The following CCDC183 variants were observed in gnomAD, a reference collection of about 807,000 sequenced individuals.
The protein encoded by CCDC183 is coiled-coil domain containing 183, also known as coiled-coil domain-containing protein 183.
In CCDC183, 63 loss-of-function variants were observed where a neutral mutation model predicts 65.2. The ratio of observed to expected loss-of-function variants is 0.97; its 90% CI spans 0.79 to 1.19. The LOEUF (loss-of-function observed/expected upper bound fraction) is 1.19, where lower values mean the gene tolerates loss of function less well. CCDC183 is among the 50% of genes most tolerant of loss of function. The pLI is 0.00. For synonymous variants in CCDC183, 323 were observed against 276.5 expected, an observed-to-expected ratio of 1.17 and a Z score of -1.67; for missense variants, 769 against 689.3, an observed-to-expected ratio of 1.12 and a Z score of -1.30.
chr9:136,799,738 C>T lies in CCDC183; in HGVS notation c.218C>T (p.Ala73Val). 2 of 1,613,202 alleles carry T rather than the reference C, an allele frequency of 1.2e-6. No homozygotes were observed. The highest frequency in any genetic ancestry group is 1.1e-5 in the South Asian group (1 of 91,066). The change falls in exon 3 of 14, where the codon GCC (alanine) becomes GTC (valine). Residue 73 changes from alanine (A) to valine (V), a missense_variant. By Grantham distance (64) the Ala-to-Val change is moderately conservative. Coordinates refer to ENST00000338005, the MANE Select transcript of CCDC183 (RefSeq NM_001039374.5). ...TATGACCAGTGGACCATCTCCAAGG[C>T]CTGCGGGAAAAACTTGCCTTTGCGA... is the stretch of plus-strand genomic sequence containing the variant. ...KKYDQWTISK[A>V]CGKNLPLRLA... is the part of the protein sequence containing the mutation.
chr9:136,799,564 G>A, intron 2 of CCDC183, 149 bp from the exon 3 acceptor site: 1 of 742,632 alleles, frequency 1.3e-6, no homozygotes, highest in Non-Finnish European at 2.2e-6. Flanking sequence ...CCAGGATGGG[G>A]TCCCGCGGCT....
chr9:136,800,069 TG>T lies in CCDC183; in HGVS notation c.340del (p.Val114CysfsTer46). ...RVNMHNLLIHLVRRRGQKLES... is the reference protein window; with the variant it reads ...RVNMHNLLIHXVRRRGQKLES... ...AACATGCACAACCTACTGATCCACC[TG>T]GTGCGGCGGCGCGGGCAGAAGCTGG... On this transcript the variant is annotated frameshift_variant, in exon 4 of 14. Coordinates refer to ENST00000338005, the MANE Select transcript of CCDC183 (RefSeq NM_001039374.5). LOFTEE classifies it high-confidence loss of function. 1 of 1,579,312 alleles carries T rather than the reference TG, an allele frequency of 6.3e-7. No individual in the cohort carries two copies. Among genetic ancestry groups the T allele is most frequent in the Admixed American group, 1.8e-5 (1 of 54,530 alleles).
rs760801368 is a variant in CCDC183 at position 136,807,009 on chromosome 9, C to G, written c.1429C>G (p.Leu477Val). 3 of 1,613,678 alleles carry G rather than the reference C, an allele frequency of 1.9e-6. No homozygotes were observed. Among genetic ancestry groups the G allele is most frequent in the Non-Finnish European group, 1.7e-6 (2 of 1,180,028 alleles). Residue 477 changes from leucine (L) to valine (V), a missense_variant, in exon 13 of 14, where the codon CTG (leucine) becomes GTG (valine). Coordinates refer to ENST00000338005, the MANE Select transcript of CCDC183 (RefSeq NM_001039374.5). Reference sequence around the variant, plus strand: ...GAGGGACACCCTGGAGTCCTCGACTCTGATGGAGAAGTACAACACCAGGAT... The same window carrying G: ...GAGGGACACCCTGGAGTCCTCGACTGTGATGGAGAAGTACAACACCAGGAT... ...KVRDTLESST[L>V]MEKYNTRISF...
intron 1 of CCDC183, among the ~76,000 whole-genome samples, chr9:136,797,438 C>CTTT (rs373062914): frequency 3.5e-5 from 5 of 142,176 alleles, no homozygotes; most frequent in African/African-American, 7.8e-5. Flanking sequence ...TACTTTGTGT[C>CTTT]TTTTTTTTTT....
chr9:136,798,257 C>T (rs1184434276), intron 1 of CCDC183, among the ~76,000 whole-genome samples: 3 of 151,782 alleles, frequency 2.0e-5, no homozygotes, highest in Non-Finnish European at 4.4e-5. Flanking sequence ...CCATCCGCCT[C>T]GGCCTCCCAA....
intron 1 of CCDC183, 75 bp downstream of exon 1, chr9:136,796,542 AAGAG>A: frequency 1.0e-5 from 10 of 985,310 alleles, no homozygotes; most frequent in Non-Finnish European, 1.6e-5. Context: ...TTGTGGGGAA[AAGAG>A]AGATCAGATT....
At position 136,806,498 on chromosome 9, in the gene CCDC183, C is replaced by T. The variant is rs372338718; in HGVS notation, c.1110-6C>T. On this transcript the variant is annotated splice_polypyrimidine_tract_variant and splice_region_variant and intron_variant, in intron 10 of 13. Coordinates refer to ENST00000338005, the MANE Select transcript of CCDC183 (RefSeq NM_001039374.5). ...CTCACTGCTGTGTCCCTATTGCCTT[C>T]TGCAGCTTCAAGTCCGTTGAGAAGA... 2.6e-5 allele frequency: 42 copies of T among 1,613,192 alleles called. No homozygotes were observed. In the African/African-American group the frequency reaches 4.3e-4, roughly 16 times the overall value.
At chr9:136,806,038 C>T in intron 9 of CCDC183, 40 bp from the exon 10 acceptor site, 1 of 1,530,128 alleles carries the variant, frequency 6.5e-7, no homozygotes, top group Admixed American at 2.0e-5. Flanking sequence ...TGCCCACCAT[C>T]CTGGCCCACA....
intron 5 of CCDC183, 92 bp downstream of exon 5, chr9:136,800,585 A>G (rs1237205514): frequency 1.5e-5 from 14 of 909,764 alleles, no homozygotes; most frequent in Non-Finnish European, 1.9e-5. Flanking sequence ...CGCACCCGCC[A>G]GGGAGAGGGA....
At position 136,804,904 on chromosome 9, in the gene CCDC183, G is replaced by A; in HGVS notation, c.847+88G>A. On this transcript the variant is annotated intron_variant, in intron 8 of 13. Transcript: ENST00000338005. This position sits in a 1 kb window ranked among gnomAD's most constrained non-coding sequence, Gnocchi z 4.1. ...AGGCCAACGGATCAAGTCACCCTGA[G>A]GCCAGGTGTGACATGTGGTCGCCAG... The A allele has an allele frequency of 2.6e-6, 3 of 1,176,438 alleles. No homozygotes were observed. The highest frequency in any genetic ancestry group is 2.5e-6 in the Non-Finnish European group (2 of 797,576). 72.9% of individuals were successfully genotyped at this position (1,176,438 alleles called of 1,614,324 possible).
intron 5 of CCDC183, among the ~76,000 whole-genome samples, chr9:136,801,687 T>C (rs1296702984): frequency 6.6e-6 from 1 of 152,086 alleles, no homozygotes; most frequent in African/African-American, 2.4e-5. Context: ...GCCTGGGTGA[T>C]AGAGTGAGAT....
chr9:136,797,618 T>C (rs776768551), intron 1 of CCDC183, among the ~76,000 whole-genome samples: 4 of 151,984 alleles, frequency 2.6e-5, no homozygotes, highest in Non-Finnish European at 5.9e-5. Context: ...TTTTGTATTT[T>C]TAGTAGAGAT....
intron 1 of CCDC183, among the ~76,000 whole-genome samples, chr9:136,798,162 C>G (rs889807776): frequency 2.0e-5 from 3 of 152,098 alleles, no homozygotes; most frequent in Non-Finnish European, 4.4e-5. Flanking sequence ...CCCACCACCA[C>G]GCCCAGCTAA....
rs200507112 is a variant in CCDC183 at position 136,804,586 on chromosome 9, G to A, written c.751G>A (p.Asp251Asn). The change falls in exon 7 of 14, where the codon GAC becomes AAC. Residue 251 changes from aspartate (D) to asparagine (N), a missense_variant. Physicochemically the swap from Asp to Asn is conservative, Grantham distance 23. Transcript: ENST00000338005. The surrounding 1 kb of genome is among the most constrained non-coding windows in gnomAD (Gnocchi z 4.1). ...NRLNQQKKLI[D>N]KIHTKETSEK... ...GCTCAACCAGCAGAAGAAGCTGATC[G>A]ACAAGATCCACACGAAGGAGACCAG... 2.8e-5 allele frequency: 45 copies of A among 1,613,130 alleles called. No homozygotes were observed. The highest frequency in any genetic ancestry group is 1.1e-4 in the African/African-American group (8 of 74,808).
intron 2 of CCDC183, 46 bp from the exon 3 acceptor site, chr9:136,799,667 G>C (rs752231570): frequency 1.3e-6 from 2 of 1,550,300 alleles, no homozygotes; most frequent in Admixed American, 1.7e-5. Context: ...CAGCGGCTGC[G>C]GGTGCGCAAA....
chr9:136,800,940 C>A (rs1462062472), intron 5 of CCDC183, among the ~76,000 whole-genome samples: 5 of 152,170 alleles, frequency 3.3e-5, no homozygotes, highest in Admixed American at 3.3e-4. Context: ...TGAGGGAAGA[C>A]CCCCTTCATG....
At chr9:136,797,683 C>G (rs1157072502) in intron 1 of CCDC183, among the ~76,000 whole-genome samples, 1 of 152,236 alleles carries the variant, frequency 6.6e-6, no homozygotes, top group African/African-American at 2.4e-5. Context: ...CGTGATCTGC[C>G]CGCATCAGCC....
chr9:136,804,953 G>GT lies in CCDC183; in HGVS notation c.847+137_847+138insT. The GT allele has an allele frequency of 2.8e-6, 2 of 723,140 alleles. No homozygotes were observed. The highest frequency in any genetic ancestry group is 4.6e-6 in the Non-Finnish European group (2 of 434,172). 44.8% of individuals were successfully genotyped at this position (723,140 alleles called of 1,614,324 possible). ...AGGGTGAAGGGAAGGACAGGTCCCT[G>GT]CCTCTCCCTCCAGAGGCTGAGAGCC... On this transcript the variant is annotated intron_variant, in intron 8 of 13. Coordinates refer to ENST00000338005, the MANE Select transcript of CCDC183 (RefSeq NM_001039374.5). This position sits in a 1 kb window ranked among gnomAD's most constrained non-coding sequence, Gnocchi z 4.1.
At chr9:136,802,584 G>A in intron 5 of CCDC183, 80 bp from the exon 6 acceptor site, 4 of 1,528,908 alleles carry the variant, frequency 2.6e-6, no homozygotes, top group Admixed American at 2.1e-5. Flanking sequence ...CTGTTCTCAG[G>A]GCTCTTAGTC....
Sources: gnomAD v4.1 joint callset for allele counts (sites outside exome capture counted in the v4.1 genomes callset) on GRCh38, gnomAD v4.1.1 for gene constraint, Gnocchi (gnomAD v3.1) non-coding constraint, MANE v1.5 for transcripts, NCBI Gene and HGNC (gene_info 2026-07-23, HGNC 2026-07-21) for gene names.